TDP1: variants seen among roughly 807,000 people sequenced by gnomAD.
TDP1 encodes tyrosyl-DNA phosphodiesterase 1.
Under a neutral mutation model 81.5 loss-of-function variants are expected in TDP1, and 64 were observed. The observed-to-expected ratio is 0.79, with a 90% CI of 0.64 to 0.97. The LOEUF is 0.97. Among genes scored for constraint, TDP1 ranks in the 50% least tolerant of loss-of-function variants. The pLI is 0.00. For missense variants in TDP1, 723 were observed against 743.8 expected, an observed-to-expected ratio of 0.97 and a Z score of 0.33; for synonymous variants, 256 against 264.3, an observed-to-expected ratio of 0.97 and a Z score of 0.30.
chr14:90,022,917 G>A (rs750727125), intron 15 of TDP1: 71 of 751,912 alleles, frequency 9.4e-5, no homozygotes, highest in Admixed American at 2.7e-4. Context: ...ACAGCCCGAC[G>A]GTTCCCTCCT....
chr14:90,004,275 C>A (rs1897443500), intron 14 of TDP1, among the ~76,000 whole-genome samples: 1 of 152,180 alleles, frequency 6.6e-6, no homozygotes, highest in African/African-American at 2.4e-5. Flanking sequence ...TGCCTCTAGA[C>A]CCTTTGTACA....
intron 14 of TDP1, among the ~76,000 whole-genome samples, chr14:90,003,031 G>C (rs1326731092): frequency 6.6e-6 from 1 of 152,014 alleles, no homozygotes; most frequent in South Asian, 2.1e-4. Flanking sequence ...TCCGCCTCCC[G>C]GGTTCAAGCG....
chr14:89,969,801 C>T (rs961325161), intron 5 of TDP1, among the ~76,000 whole-genome samples: 37 of 150,202 alleles, frequency 2.5e-4, no homozygotes, highest in African/African-American at 9.0e-4. Flanking sequence ...GGAAGTGGGT[C>T]GGTTGTTTAT....
At chr14:89,971,303 G>A (rs749889044) in intron 6 of TDP1, 32 bp downstream of exon 6, 87 of 1,528,018 alleles carry the variant, frequency 5.7e-5, no homozygotes, top group Non-Finnish European at 7.1e-5. Context: ...GAGAGCACGC[G>A]TAGTCTGAGT....
intron 6 of TDP1, chr14:89,975,373 G>A: frequency 6.1e-6 from 6 of 984,792 alleles, no homozygotes; most frequent in Non-Finnish European, 7.2e-6. Context: ...ACCGCACCTG[G>A]CCTTCAGTGT....
intron 15 of TDP1, 25 bp downstream of exon 15, chr14:90,019,443 A>G (rs1885710285): frequency 8.2e-7 from 1 of 1,225,472 alleles, no homozygotes; most frequent in Non-Finnish European, 1.2e-6. Flanking sequence ...CCAACTGCAC[A>G]GTGGGTCACA....
chr14:89,993,147 CTA>C, intron 13 of TDP1: 1 of 984,354 alleles, frequency 1.0e-6, no homozygotes, highest in Non-Finnish European at 1.2e-6. Context: ...AATGGAAAGG[CTA>C]TATGCTGAAA....
chr14:89,988,880 A>G, intron 10 of TDP1, 25 bp from the exon 11 acceptor site: 7 of 1,613,914 alleles, frequency 4.3e-6, no homozygotes, highest in Non-Finnish European at 5.9e-6. Flanking sequence ...GAGTCACTTT[A>G]ACATTCACTT....
chr14:89,971,019 A>G (rs1893569570), intron 5 of TDP1, 156 bp from the exon 6 acceptor site: 1 of 183,454 alleles, frequency 5.5e-6, no homozygotes, highest in Admixed American at 6.5e-5. Flanking sequence ...TTGTATTAGT[A>G]GAGACGGGGT....
intron 16 of TDP1, among the ~76,000 whole-genome samples, chr14:90,036,589 A>G (rs762686658): frequency 5.3e-5 from 8 of 152,178 alleles, no homozygotes; most frequent in Non-Finnish European, 1.0e-4. Context: ...AGCTACCAGT[A>G]TACCCTGCTT....
chr14:90,005,598 G>A (rs1308845201), intron 14 of TDP1, among the ~76,000 whole-genome samples: 1 of 152,110 alleles, frequency 6.6e-6, no homozygotes, highest in African/African-American at 2.4e-5. Flanking sequence ...TGAGCAGATG[G>A]TGTTAAGTCC....
At chr14:89,980,121 A>G (rs1191911205) in intron 7 of TDP1, 1 of 980,968 alleles carries the variant, frequency 1.0e-6, no homozygotes, top group East Asian at 1.1e-4. Flanking sequence ...TATACAGTAT[A>G]CCAATTTATG....
chr14:90,000,062 C>G (rs990535026), intron 14 of TDP1, among the ~76,000 whole-genome samples: 4 of 152,124 alleles, frequency 2.6e-5, no homozygotes, highest in Admixed American at 2.0e-4. Flanking sequence ...CTTGGGAGTC[C>G]TCTTTCAAGC....
chr14:90,033,033 T>G (rs1028286994), intron 15 of TDP1, 73 bp from the exon 16 acceptor site: 1 of 1,213,398 alleles, frequency 8.2e-7, no homozygotes, highest in Non-Finnish European at 1.2e-6. Flanking sequence ...TATTGCTTCT[T>G]GAGGCCTTCT....
chr14:90,004,887 A>T (rs903173648), intron 14 of TDP1, among the ~76,000 whole-genome samples: 1 of 152,188 alleles, frequency 6.6e-6, no homozygotes, highest in African/African-American at 2.4e-5. Context: ...AACAGCCCCA[A>T]GGAGGCTGCC....
Position 89,963,329 on chromosome 14 carries a change from TACCTCCCAAAAGGCAG to T in TDP1, c.217_232del (p.Pro73LysfsTer32), listed in dbSNP as rs761555478. On this transcript the variant is annotated frameshift_variant, in exon 3 of 17. Coordinates refer to ENST00000335725, the MANE Select transcript of TDP1 (RefSeq NM_018319.4). LOFTEE classifies it high-confidence loss of function. ...AAATTCAGCAATACAGATTCAGTTT[TACCTCCCAAAAGGCAG>T]AAAAGCGGTTCCCAGGAGGACCTCG... 3.1e-6 allele frequency: 5 copies of T among 1,614,190 alleles called. No individual in the cohort carries two copies. Among genetic ancestry groups the T allele is most frequent in the Non-Finnish European group, 4.2e-6 (5 of 1,180,042 alleles).
intron 16 of TDP1, 122 bp downstream of exon 16, chr14:90,033,336 G>A (rs1887501201): frequency 2.8e-6 from 2 of 720,782 alleles, no homozygotes; most frequent in Admixed American, 4.0e-5. Context: ...GCTCAAGTTT[G>A]CAGAGGGCCC....
rs35815283 is a variant in TDP1, at chr14:89,976,375, C to T, written c.791+560C>T. Among the ~76,000 whole-genome samples, 409 of 152,256 alleles carry T rather than the reference C, an allele frequency of 2.7e-3. 2 individuals carry two copies. Among genetic ancestry groups the T allele is most frequent in the African/African-American group, 9.5e-3 (393 of 41,542 alleles). ...TTAGCCTCTCAAAGTGCTGGGATTA[C>T]AGGCATGAGCCCCTGTGCTGGCATT... On this transcript the variant is annotated intron_variant, in intron 7 of 16. Coordinates refer to ENST00000335725, the MANE Select transcript of TDP1 (RefSeq NM_018319.4).
At chr14:89,955,909 G>T (rs577403021), upstream of TDP1, 499 of 151,468 alleles carry the variant, frequency 3.3e-3, no homozygotes, top group Non-Finnish European at 5.2e-3. Context: ...TGAACTGCGC[G>T]CATGCGCGGC....
Sources: gnomAD v4.1 joint callset for allele counts (sites outside exome capture counted in the v4.1 genomes callset) on GRCh38, gnomAD v4.1.1 for gene constraint, MANE v1.5 for transcripts, NCBI Gene and HGNC (gene_info 2026-07-23, HGNC 2026-07-21) for gene names.